Variants in CNTNAP2 observed in about 807,000 individuals in gnomAD.
The protein encoded by CNTNAP2 is contactin-associated protein-like 2.
CNTNAP2 carries 98 observed loss-of-function variants against 155.2 expected under a neutral mutation model. The observed-to-expected ratio is 0.63, with a 90% confidence interval of 0.54 to 0.75. The LOEUF (loss-of-function observed/expected upper bound fraction) is 0.75. Among genes scored for constraint, CNTNAP2 ranks in the 30% least tolerant of loss-of-function variants. The pLI is 0.00. For synonymous variants in CNTNAP2, 651 were observed against 631.2 expected (o/e 1.03, Z -0.47); for missense variants, 1,727 against 1,688.1 (o/e 1.02, Z -0.40).
At chr7:147,663,323 A>G (rs1454810034) in intron 13 of CNTNAP2, among the ~76,000 whole-genome samples, 1 of 152,220 alleles carries the variant, frequency 6.6e-6, no homozygotes, top group Non-Finnish European at 1.5e-5. Context: ...AGATCCTTGC[A>G]TGTGGCTCTG....
At chr7:146,730,141 A>C (rs2129179230) in intron 1 of CNTNAP2, among the ~76,000 whole-genome samples, 1 of 152,212 alleles carries the variant, frequency 6.6e-6, no homozygotes, top group South Asian at 2.1e-4. Flanking sequence ...CTCATTCCTA[A>C]CCAAAAATCA....
chr7:148,126,855 C>G (rs957559385), intron 16 of CNTNAP2, among the ~76,000 whole-genome samples: 1 of 152,024 alleles, frequency 6.6e-6, no homozygotes, highest in African/African-American at 2.4e-5. Context: ...TCGCCTGGCC[C>G]CAAGATATGG....
At chr7:146,292,445 A>T (rs1202501790) in intron 1 of CNTNAP2, among the ~76,000 whole-genome samples, 2 of 152,328 alleles carry the variant, frequency 1.3e-5, no homozygotes, top group South Asian at 4.1e-4. Flanking sequence ...TAAAAATTTT[A>T]AAAAATGAGT....
chr7:147,550,004 A>C (rs751988111), intron 11 of CNTNAP2, among the ~76,000 whole-genome samples: 1 of 152,204 alleles, frequency 6.6e-6, no homozygotes, highest in Non-Finnish European at 1.5e-5. Context: ...TGAGGGGGGA[A>C]TATCACAATT....
At chr7:147,015,887 T>C (rs1317169453) in intron 3 of CNTNAP2, among the ~76,000 whole-genome samples, 2 of 152,062 alleles carry the variant, frequency 1.3e-5, no homozygotes, top group African/African-American at 2.4e-5. Flanking sequence ...ACCGAGAAGG[T>C]AATATACTTG....
chr7:146,305,783 A>T (rs2129089384), intron 1 of CNTNAP2, among the ~76,000 whole-genome samples: 1 of 152,274 alleles, frequency 6.6e-6, no homozygotes, highest in South Asian at 2.1e-4. Flanking sequence ...AAATGCCCAC[A>T]AGAGAAAGCA....
rs191481787 is a variant in CNTNAP2, at chr7:147,002,796, G to A, written c.403-41111G>A. Reference sequence around the variant, plus strand: ...CTCTATTGGGTCTCTTCATTAGGGCGCTAATCCTAATCATGAGGGCACTTA... The same window carrying A: ...CTCTATTGGGTCTCTTCATTAGGGCACTAATCCTAATCATGAGGGCACTTA... On this transcript the variant is annotated intron_variant, in intron 3 of 23. Transcript: ENST00000361727. Among the ~76,000 whole-genome samples, 260 of 151,648 alleles carry A rather than the reference G, an allele frequency of 1.7e-3. 1 individual carries two copies. Among genetic ancestry groups the A allele is most frequent in the Non-Finnish European group, 2.5e-3 (172 of 67,858 alleles).
chr7:146,869,026 G>T (rs1189910082), intron 3 of CNTNAP2, among the ~76,000 whole-genome samples: 1 of 152,082 alleles, frequency 6.6e-6, no homozygotes, highest in Non-Finnish European at 1.5e-5. Context: ...TTGCCTGATT[G>T]CTCTGGCTAG....
chr7:148,330,904 C>CGGATGGAGTGGAT (rs1797986858), intron 21 of CNTNAP2, among the ~76,000 whole-genome samples: 1 of 76,010 alleles, frequency 1.3e-5, no homozygotes, highest in Non-Finnish European at 3.2e-5. Context: ...ATGGAATGGA[C>CGGATGGAGTGGAT]GGATGGAGTG....
intron 8 of CNTNAP2, among the ~76,000 whole-genome samples, chr7:147,221,270 A>AT (rs1223848594): frequency 2.0e-5 from 3 of 152,100 alleles, no homozygotes; most frequent in Non-Finnish European, 4.4e-5. Context: ...TTTTCATGGT[A>AT]TTTTTTTGAA....
intron 21 of CNTNAP2, among the ~76,000 whole-genome samples, chr7:148,317,418 C>T (rs1797710711): frequency 6.6e-6 from 1 of 152,050 alleles, no homozygotes; most frequent in African/African-American, 2.4e-5. Context: ...AGAATCAGGC[C>T]AAGTGCTGAG....
chr7:147,143,063 T>G (rs1801631877), intron 8 of CNTNAP2, among the ~76,000 whole-genome samples: 1 of 152,198 alleles, frequency 6.6e-6, no homozygotes. Flanking sequence ...CCTCTACTAT[T>G]ATGTCTCCCT....
intron 1 of CNTNAP2, among the ~76,000 whole-genome samples, chr7:146,506,213 G>T (rs1245344816): frequency 6.6e-6 from 1 of 152,136 alleles, no homozygotes; most frequent in Non-Finnish European, 1.5e-5. Context: ...ACAGCTGTCA[G>T]CACATGCATA....
chr7:148,184,776 C>T (rs1269490209), intron 18 of CNTNAP2, among the ~76,000 whole-genome samples: 5 of 152,148 alleles, frequency 3.3e-5, no homozygotes, highest in Non-Finnish European at 7.4e-5. Context: ...CCAATTTCAA[C>T]ATTATTAAAA....
intron 11 of CNTNAP2, among the ~76,000 whole-genome samples, chr7:147,519,483 G>T (rs1303516936): frequency 6.6e-6 from 1 of 152,138 alleles, no homozygotes; most frequent in Non-Finnish European, 1.5e-5. Context: ...TTATCCACAG[G>T]TTTAAGGGAT....
intron 3 of CNTNAP2, among the ~76,000 whole-genome samples, chr7:147,032,550 A>G (rs975710814): frequency 2.0e-5 from 3 of 152,208 alleles, no homozygotes; most frequent in Non-Finnish European, 2.9e-5. Flanking sequence ...CTGAATGACT[A>G]TGTGGAACAG....
intron 9 of CNTNAP2, among the ~76,000 whole-genome samples, chr7:147,336,057 TAG>T (rs1795659594): frequency 6.6e-6 from 1 of 152,168 alleles, no homozygotes; most frequent in Admixed American, 6.5e-5. Context: ...TTGTATTAGG[TAG>T]AGTCAAAGAG....
chr7:146,635,207 T>A (rs186588167), intron 1 of CNTNAP2, among the ~76,000 whole-genome samples: 6 of 152,190 alleles, frequency 3.9e-5, no homozygotes, highest in African/African-American at 1.4e-4. Flanking sequence ...GCTATACTAG[T>A]AGTGTATAAA....
chr7:147,357,020 C>T (rs1796075443), intron 9 of CNTNAP2, among the ~76,000 whole-genome samples: 1 of 147,930 alleles, frequency 6.8e-6, no homozygotes, highest in Non-Finnish European at 1.5e-5. Flanking sequence ...CATTCAAACT[C>T]TGACCTCCAT....
Sources: gnomAD v4.1 joint callset for allele counts (sites outside exome capture counted in the v4.1 genomes callset) on GRCh38, gnomAD v4.1.1 for gene constraint, MANE v1.5 for transcripts, NCBI Gene and HGNC (gene_info 2026-07-23, HGNC 2026-07-21) for gene names.